The following CDH13 variants were observed in gnomAD, a reference collection of about 807,000 sequenced individuals.
CDH13 encodes cadherin 13.
Under a neutral mutation model 63.8 loss-of-function variants are expected in CDH13, and 24 were observed. That is an observed-to-expected ratio of 0.38 (90% confidence interval 0.27 to 0.53). CDH13 has a LOEUF of 0.53. Among genes scored for constraint, CDH13 ranks in the 20% least tolerant of loss-of-function variants. The pLI is 0.85. For missense variants in CDH13, 1,049 were observed against 903.1 expected (o/e 1.16, Z -2.07); for synonymous variants, 503 against 355.3 (o/e 1.42, Z -4.67).
intron 5 of CDH13, among the ~76,000 whole-genome samples, chr16:83,238,881 C>T (rs543550831): frequency 1.8e-4 from 27 of 152,170 alleles, no homozygotes; most frequent in African/African-American, 6.5e-4. Context: ...TTCTTCTGTC[C>T]TGATGTTAGT....
At chr16:82,828,260 C>G (rs1463398886) in intron 1 of CDH13, among the ~76,000 whole-genome samples, 1 of 152,176 alleles carries the variant, frequency 6.6e-6, no homozygotes, top group Non-Finnish European at 1.5e-5. Context: ...ACGTCTGTTT[C>G]ACACACAGTC....
At chr16:83,451,208 G>T (rs546495159) in intron 6 of CDH13, among the ~76,000 whole-genome samples, 187 of 152,328 alleles carry the variant, frequency 1.2e-3, no homozygotes, top group African/African-American at 4.4e-3. Flanking sequence ...ATAAAGGAAA[G>T]AAGTTTAATG....
chr16:83,196,857 C>A (rs1485092790), intron 4 of CDH13, among the ~76,000 whole-genome samples: 1 of 152,178 alleles, frequency 6.6e-6, no homozygotes, highest in East Asian at 1.9e-4. Flanking sequence ...TAGAGTGGTA[C>A]AGCCAGTCAA....
intron 4 of CDH13, among the ~76,000 whole-genome samples, chr16:83,140,467 T>C (rs183406502): frequency 1.9e-3 from 287 of 152,314 alleles, no homozygotes; most frequent in Non-Finnish European, 3.0e-3. Context: ...TTTTTCTTTT[T>C]TTTGAGATGG....
intron 1 of CDH13, among the ~76,000 whole-genome samples, chr16:82,797,854 T>C (rs1403462370): frequency 6.6e-6 from 1 of 151,952 alleles, no homozygotes; most frequent in Non-Finnish European, 1.5e-5. Flanking sequence ...ATAGGATTTC[T>C]TTAGATCTGA....
At chr16:83,092,853 C>T (rs2033985801) in intron 3 of CDH13, among the ~76,000 whole-genome samples, 1 of 152,130 alleles carries the variant, frequency 6.6e-6, no homozygotes, top group African/African-American at 2.4e-5. Context: ...TAACATTGCT[C>T]AGTAACTATG....
At chr16:83,352,433 A>G (rs1417630556) in intron 6 of CDH13, among the ~76,000 whole-genome samples, 2 of 152,198 alleles carry the variant, frequency 1.3e-5, no homozygotes, top group Non-Finnish European at 2.9e-5. Context: ...TTAGAATAGA[A>G]CTACCATTTA....
chr16:83,435,413 C>A (rs1201991130), intron 6 of CDH13, among the ~76,000 whole-genome samples: 2 of 152,052 alleles, frequency 1.3e-5, no homozygotes, highest in Non-Finnish European at 2.9e-5. Context: ...TCGTGTCATC[C>A]CCTTCAAAGC....
intron 4 of CDH13, among the ~76,000 whole-genome samples, chr16:83,161,911 A>C (rs960033325): frequency 6.6e-6 from 1 of 152,220 alleles, no homozygotes; most frequent in African/African-American, 2.4e-5. Context: ...ATCGATCCAG[A>C]GAACAAATGA....
chr16:83,191,779 C>T (rs2038722988), intron 4 of CDH13, among the ~76,000 whole-genome samples: 2 of 151,684 alleles, frequency 1.3e-5, no homozygotes, highest in Non-Finnish European at 2.9e-5. Flanking sequence ...CGTTTTTCTG[C>T]CTGCTTTATA....
intron 6 of CDH13, among the ~76,000 whole-genome samples, chr16:83,387,746 G>C (rs1239984772): frequency 6.6e-6 from 1 of 152,186 alleles, no homozygotes; most frequent in Non-Finnish European, 1.5e-5. Context: ...CCAGTGAGAA[G>C]AGGCTCTTAA....
chr16:82,944,938 G>A (rs575439890), intron 2 of CDH13, among the ~76,000 whole-genome samples: 2 of 151,940 alleles, frequency 1.3e-5, no homozygotes, highest in Admixed American at 6.6e-5. Context: ...AATACACAGG[G>A]GGAAATACAA....
intron 2 of CDH13, among the ~76,000 whole-genome samples, chr16:83,003,672 A>G (rs1200912853): frequency 6.6e-6 from 1 of 152,204 alleles, no homozygotes; most frequent in East Asian, 1.9e-4. Flanking sequence ...AGGTGGATGA[A>G]CTAAAACTTA....
intron 5 of CDH13, among the ~76,000 whole-genome samples, chr16:83,249,694 G>A (rs180929125): frequency 1.7e-4 from 26 of 152,248 alleles, no homozygotes; most frequent in Non-Finnish European, 2.4e-4. Context: ...CCCCATATTA[G>A]GGATATGTCT....
rs1334473948 is a variant in CDH13 at position 83,047,761 on chromosome 16, A to G, written c.366+15543A>G. On this transcript the variant is annotated intron_variant, in intron 3 of 13. Coordinates refer to ENST00000567109, the MANE Select transcript of CDH13 (RefSeq NM_001257.5). The surrounding 1 kb of genome is among the most constrained non-coding windows in gnomAD (Gnocchi z 4.9). ...TATTGATATTAATAATGCAGATCGT[A>G]GTCAATTTATTTAGCTCAAACGTTG... Among the ~76,000 whole-genome samples the G allele has an allele frequency of 6.6e-6, 1 of 152,220 alleles. No homozygotes were observed. Among genetic ancestry groups the G allele is most frequent in the East Asian group, 1.9e-4 (1 of 5,200 alleles).
At chr16:83,138,205 T>C (rs911069310) in intron 4 of CDH13, among the ~76,000 whole-genome samples, 4 of 152,156 alleles carry the variant, frequency 2.6e-5, no homozygotes, top group Non-Finnish European at 1.5e-5. Flanking sequence ...ACACTCTCCC[T>C]AGGCTGAAAA....
chr16:83,664,934 A>G (rs928630144), intron 8 of CDH13, among the ~76,000 whole-genome samples: 3 of 152,226 alleles, frequency 2.0e-5, no homozygotes, highest in African/African-American at 7.2e-5. Context: ...TCACTTACTG[A>G]TGTATTTTTG....
chr16:83,602,096 A>AC (rs1907862917), intron 7 of CDH13, among the ~76,000 whole-genome samples: 4 of 71,694 alleles, frequency 5.6e-5, no homozygotes, highest in Non-Finnish European at 1.1e-4. Flanking sequence ...AAAAAAAAAA[A>AC]AGAACAACAA....
At chr16:83,478,701 T>C (rs1245199176) in intron 6 of CDH13, among the ~76,000 whole-genome samples, 1 of 152,066 alleles carries the variant, frequency 6.6e-6, no homozygotes, top group Non-Finnish European at 1.5e-5. Context: ...TGGAATCACC[T>C]CTTTTCTCTG....
Sources: gnomAD v4.1 joint callset for allele counts (sites outside exome capture counted in the v4.1 genomes callset) on GRCh38, gnomAD v4.1.1 for gene constraint, Gnocchi (gnomAD v3.1) non-coding constraint, MANE v1.5 for transcripts, NCBI Gene and HGNC (gene_info 2026-07-23, HGNC 2026-07-21) for gene names.